UTRN: variants seen among roughly 807,000 people sequenced by gnomAD.
UTRN encodes dystrophin-related protein 1.
UTRN carries 283 observed loss-of-function variants against 463.9 expected under a neutral mutation model. That is an observed-to-expected ratio of 0.61 (90% CI 0.55 to 0.67). UTRN has a LOEUF of 0.67. Ranked by LOEUF, UTRN falls within the 30% of genes least tolerant of loss-of-function variation. UTRN has a pLI of 0.00. For missense variants in UTRN, 3,922 were observed against 4,084.3 expected (o/e 0.96, Z 1.08); for synonymous variants, 1,442 against 1,431.5 (o/e 1.01, Z -0.17).
intron 48 of UTRN, among the ~76,000 whole-genome samples, chr6:144,552,362 G>A (rs1199058254): frequency 1.3e-5 from 2 of 152,094 alleles, no homozygotes; most frequent in African/African-American, 4.8e-5. Flanking sequence ...GCCTATTATG[G>A]AACTTTGGAG....
At chr6:144,341,279 T>C (rs550876623) in intron 2 of UTRN, among the ~76,000 whole-genome samples, 5 of 152,236 alleles carry the variant, frequency 3.3e-5, no homozygotes, top group Non-Finnish European at 7.3e-5. Context: ...GAAAAAAGTT[T>C]TTATTTTTTA....
intron 51 of UTRN, among the ~76,000 whole-genome samples, chr6:144,637,641 TAA>T (rs1302071683): frequency 1.3e-4 from 19 of 143,908 alleles, no homozygotes; most frequent in African/African-American, 2.5e-4. Flanking sequence ...ACACGTTGTT[TAA>T]AAAAAAAAAA....
chr6:144,285,557 T>C lies in UTRN; in HGVS notation c.-357T>C, dbSNP rs1159715662. ...GTTTGCGCTTTGACTGTTTTGTTTTTGGCGGAACTACCAGGCAGGAAGATT... is the reference window on the plus strand; with the variant it reads ...GTTTGCGCTTTGACTGTTTTGTTTTCGGCGGAACTACCAGGCAGGAAGATT... On this transcript the variant is annotated 5_prime_UTR_variant, in exon 1 of 75. Transcript: ENST00000367545. The C allele has an allele frequency of 6.6e-6, 1 of 152,288 alleles. No homozygotes were observed. The highest frequency in any genetic ancestry group is 1.5e-5 in the Non-Finnish European group (1 of 68,068). 9.4% of individuals were successfully genotyped at this position (152,288 alleles called of 1,614,324 possible). A position where few individuals can be genotyped will look rare whatever the true frequency, so the allele number is the denominator to read the frequency against.
At chr6:144,748,625 A>G in intron 55 of UTRN, 111 bp downstream of exon 55, 5 of 1,380,026 alleles carry the variant, frequency 3.6e-6, no homozygotes, top group African/African-American at 2.9e-5. Flanking sequence ...TACAAAGCCA[A>G]CGCCGCTGCA....
intron 56 of UTRN, among the ~76,000 whole-genome samples, chr6:144,753,968 T>C (rs976309599): frequency 1.3e-5 from 2 of 152,142 alleles, no homozygotes; most frequent in African/African-American, 4.8e-5. Context: ...CAACCCGAAG[T>C]AGAGATGATC....
At chr6:144,309,824 G>A (rs1023387256) in intron 2 of UTRN, among the ~76,000 whole-genome samples, 43 of 152,142 alleles carry the variant, frequency 2.8e-4, no homozygotes, top group Non-Finnish European at 3.1e-4. Context: ...TGATCTACAG[G>A]ACCCTGTTTA....
intron 34 of UTRN, among the ~76,000 whole-genome samples, chr6:144,502,337 G>A (rs1269950395): frequency 1.3e-5 from 2 of 151,496 alleles, no homozygotes; most frequent in African/African-American, 2.4e-5. Context: ...GTATACACGT[G>A]CCATGGTCAT....
intron 51 of UTRN, among the ~76,000 whole-genome samples, chr6:144,629,329 G>A (rs1345174294): frequency 6.6e-6 from 1 of 152,128 alleles, no homozygotes. Context: ...CTTGCAAGAG[G>A]CAGCCACCGA....
At chr6:144,425,793 ACTTT>A (rs1041575144) in intron 6 of UTRN, among the ~76,000 whole-genome samples, 2 of 152,210 alleles carry the variant, frequency 1.3e-5, no homozygotes, top group African/African-American at 2.4e-5. Flanking sequence ...TTCTTTGAGC[ACTTT>A]CTTAAAACAT....
At chr6:144,348,831 G>A (rs570948242) in intron 2 of UTRN, among the ~76,000 whole-genome samples, 1 of 152,286 alleles carries the variant, frequency 6.6e-6, no homozygotes, top group South Asian at 2.1e-4. Context: ...CTACTAGGGA[G>A]GCTGAGGCAG....
At chr6:144,777,952 T>A (rs1480538657) in intron 60 of UTRN, among the ~76,000 whole-genome samples, 2 of 152,244 alleles carry the variant, frequency 1.3e-5, no homozygotes, top group Non-Finnish European at 2.9e-5. Context: ...AATTTGAACG[T>A]CATATTTTTC....
intron 65 of UTRN, among the ~76,000 whole-genome samples, chr6:144,807,599 A>C (rs1253868098): frequency 6.6e-6 from 1 of 152,084 alleles, no homozygotes; most frequent in Non-Finnish European, 1.5e-5. Flanking sequence ...CTGTCTCCAT[A>C]TGTCCAAATC....
intron 9 of UTRN, among the ~76,000 whole-genome samples, chr6:144,430,301 G>T (rs116572426): frequency 0.013 from 2,047 of 152,196 alleles, 41 homozygotes; most frequent in African/African-American, 0.046. Context: ...TTTTTAAAGA[G>T]AGAAATAAAA....
At position 144,438,795 on chromosome 6, in the gene UTRN, C is replaced by T. The variant is rs1298828971; in HGVS notation, c.1292C>T (p.Ser431Phe). 4 of 1,614,082 alleles carry T rather than the reference C, an allele frequency of 2.5e-6. No homozygotes were observed. The highest frequency in any genetic ancestry group is 1.7e-5 in the Admixed American group (1 of 60,010). Reference sequence around the variant, plus strand: ...CAGAAGAAGCAACTGCAGCAGCTCTCCGCCTGGTTAACACTCACAGAGGAG... The same window carrying T: ...CAGAAGAAGCAACTGCAGCAGCTCTTCGCCTGGTTAACACTCACAGAGGAG... ...ELQKKQLQQLSAWLTLTEERI... is the reference protein window; with the variant it reads ...ELQKKQLQQLFAWLTLTEERI... The change falls in exon 12 of 75, where the codon TCC (serine) becomes TTC (phenylalanine). Residue 431 changes from serine (S) to phenylalanine (F), a missense_variant. Physicochemically the swap from Ser to Phe is radical, Grantham distance 155 (BLOSUM62 -2). Coordinates refer to ENST00000367545, the MANE Select transcript of UTRN (RefSeq NM_007124.3).
At chr6:144,306,601 AG>A (rs1805762202) in intron 2 of UTRN, among the ~76,000 whole-genome samples, 1 of 151,988 alleles carries the variant, frequency 6.6e-6, no homozygotes, top group South Asian at 2.1e-4. Flanking sequence ...TTCTAGATTG[AG>A]TTTTGAGGTG....
At chr6:144,600,129 C>A (rs1293963918) in intron 51 of UTRN, among the ~76,000 whole-genome samples, 1 of 152,146 alleles carries the variant, frequency 6.6e-6, no homozygotes, top group Non-Finnish European at 1.5e-5. Context: ...ACACACCATT[C>A]CCATCTCACA....
At chr6:144,323,998 C>A (rs979174047) in intron 2 of UTRN, among the ~76,000 whole-genome samples, 2 of 152,184 alleles carry the variant, frequency 1.3e-5, no homozygotes, top group Non-Finnish European at 2.9e-5. Context: ...TTACTATCAA[C>A]AACATTTGTT....
At chr6:144,697,558 T>G (rs963063470) in intron 52 of UTRN, among the ~76,000 whole-genome samples, 1 of 152,154 alleles carries the variant, frequency 6.6e-6, no homozygotes, top group Admixed American at 6.5e-5. Context: ...AGTAATCCAC[T>G]AAACACATAG....
At chr6:144,553,340 T>A (rs1389884264) in intron 48 of UTRN, among the ~76,000 whole-genome samples, 2 of 152,138 alleles carry the variant, frequency 1.3e-5, no homozygotes, top group East Asian at 3.9e-4. Flanking sequence ...ACCCAGCCAG[T>A]TGATAGCTTT....
Sources: allele counts gnomAD v4.1 joint callset (sites outside exome capture counted in the v4.1 genomes callset), GRCh38; gene constraint gnomAD v4.1.1; transcripts MANE v1.5; gene names NCBI Gene and HGNC (gene_info 2026-07-23, HGNC 2026-07-21).